HCN1: variants seen among roughly 807,000 people sequenced by gnomAD.
HCN1 encodes hyperpolarization activated cyclic nucleotide gated potassium channel 1.
HCN1 carries 13 observed loss-of-function variants against 78.9 expected under a neutral mutation model. The ratio of observed to expected loss-of-function variants is 0.16; its 90% confidence interval spans 0.11 to 0.26. The LOEUF (loss-of-function observed/expected upper bound fraction) is 0.26. Ranked by LOEUF, HCN1 falls within the 10% of genes least tolerant of loss-of-function variation. The pLI is 1.00. For missense variants in HCN1, 810 were observed against 1,154.3 expected (o/e 0.70, Z 4.32); for synonymous variants, 552 against 455.5 (o/e 1.21, Z -2.70).
In HCN1 at chr5:45,261,764, G is replaced by T; in HGVS notation, c.*157C>A. Reference sequence around the variant, plus strand: ...TTTAGATATATATTTTATAGTATATGTATATATATTTTTACATTTCACGTG... The same window carrying T: ...TTTAGATATATATTTTATAGTATATTTATATATATTTTTACATTTCACGTG... On this transcript the variant is annotated 3_prime_UTR_variant, in exon 8 of 8. Coordinates refer to ENST00000303230, the MANE Select transcript of HCN1 (RefSeq NM_021072.4). 2 of 796,860 alleles carry T rather than the reference G, an allele frequency of 2.5e-6. No homozygotes were observed. The highest frequency in any genetic ancestry group is 1.5e-5 in the South Asian group (1 of 66,436). 49.4% of individuals were successfully genotyped at this position (796,860 alleles called of 1,614,324 possible). A position where few individuals can be genotyped will look rare whatever the true frequency, so the allele number is the denominator to read the frequency against.
intron 2 of HCN1, among the ~76,000 whole-genome samples, chr5:45,599,623 G>C (rs1744582525): frequency 6.6e-6 from 1 of 152,022 alleles, no homozygotes; most frequent in Non-Finnish European, 1.5e-5. Flanking sequence ...GTAAGTTTGG[G>C]CTTTAAAACA....
At position 45,652,642 on chromosome 5, in the gene HCN1, T is replaced by G. The variant is rs550572036; in HGVS notation, c.426-7034A>C. 7.9e-5 allele frequency among the ~76,000 whole-genome samples: 12 copies of G among 152,160 alleles called. No homozygotes were observed. The East Asian group carries it at 2.3e-3, about 29-fold the overall frequency. On this transcript the variant is annotated intron_variant, in intron 1 of 7. Transcript: ENST00000303230. ...CAAATAACTATATATCCTGTATAGT[T>G]AGTGGCTTCCAAATTTCCTGATAGA...
chr5:45,380,886 A>G (rs1270705716), intron 4 of HCN1, among the ~76,000 whole-genome samples: 1 of 152,150 alleles, frequency 6.6e-6, no homozygotes, highest in African/African-American at 2.4e-5. Context: ...CTTCATGTAA[A>G]ACTAGAAAAT....
At chr5:45,624,313 C>T (rs937743876) in intron 2 of HCN1, among the ~76,000 whole-genome samples, 2 of 152,090 alleles carry the variant, frequency 1.3e-5, no homozygotes, top group South Asian at 2.1e-4. Flanking sequence ...TATGGTGGCT[C>T]CATACAATAG....
At chr5:45,598,810 C>T (rs912965240) in intron 2 of HCN1, among the ~76,000 whole-genome samples, 1 of 152,164 alleles carries the variant, frequency 6.6e-6, no homozygotes, top group African/African-American at 2.4e-5. Flanking sequence ...GACACCTGAA[C>T]AAATGCTCAT....
intron 2 of HCN1, among the ~76,000 whole-genome samples, chr5:45,545,166 T>G (rs558527731): frequency 6.6e-6 from 1 of 152,182 alleles, no homozygotes; most frequent in Non-Finnish European, 1.5e-5. Context: ...TGGTATCTCA[T>G]TGTGGTTTTG....
chr5:45,417,892 C>T (rs1436264234), intron 3 of HCN1, among the ~76,000 whole-genome samples: 1 of 151,020 alleles, frequency 6.6e-6, no homozygotes, highest in African/African-American at 2.4e-5. Context: ...TTCAAAATCT[C>T]ATTTAGACCA....
intron 2 of HCN1, among the ~76,000 whole-genome samples, chr5:45,564,767 A>G (rs1344892503): frequency 6.6e-6 from 1 of 152,202 alleles, no homozygotes; most frequent in East Asian, 1.9e-4. Context: ...GATGATAAAA[A>G]GGAATAATCG....
intron 1 of HCN1, among the ~76,000 whole-genome samples, chr5:45,656,644 C>T (rs1745768411): frequency 1.3e-5 from 2 of 152,100 alleles, no homozygotes; most frequent in African/African-American, 4.8e-5. Flanking sequence ...AAGGCTATCC[C>T]AAGAGTTTGC....
At chr5:45,349,937 C>G (rs1225558454) in intron 5 of HCN1, among the ~76,000 whole-genome samples, 2 of 152,080 alleles carry the variant, frequency 1.3e-5, no homozygotes, top group African/African-American at 4.8e-5. Context: ...CCGAATTCCA[C>G]CAGAGGTACA....
Position 45,262,082 on chromosome 5 carries a change from G to T in HCN1, c.2512C>A (p.Arg838Ser). The change falls in exon 8 of 8, where the codon CGC becomes AGC. Residue 838 changes from arginine (R) to serine (S), a missense_variant. Physicochemically the swap from Arg to Ser is moderately radical, Grantham distance 110. Coordinates refer to ENST00000303230, the MANE Select transcript of HCN1 (RefSeq NM_021072.4). The part of the protein sequence containing the change: ...QAGGRSTVPQ[R>S]VTLFRQMSSG... ...GACATCTGTCGGAAGAGGGTGACGC[G>T]CTGCGGGACAGTGCTCCTGCCCCCT... The T allele has an allele frequency of 1.2e-6, 2 of 1,613,178 alleles. No homozygotes were observed. The highest frequency in any genetic ancestry group is 1.7e-6 in the Non-Finnish European group (2 of 1,179,450).
At chr5:45,287,931 G>T (rs769973261) in intron 6 of HCN1, among the ~76,000 whole-genome samples, 12 of 152,052 alleles carry the variant, frequency 7.9e-5, no homozygotes, top group African/African-American at 1.2e-4. Context: ...CACAGACTGT[G>T]CCAGGTACTG....
intron 6 of HCN1, among the ~76,000 whole-genome samples, chr5:45,280,795 G>T (rs1745141837): frequency 6.6e-6 from 1 of 152,114 alleles, no homozygotes; most frequent in Non-Finnish European, 1.5e-5. Context: ...CTTTAATTAT[G>T]CAATCTTTTT....
At chr5:45,314,647 C>T (rs1441790596) in intron 5 of HCN1, among the ~76,000 whole-genome samples, 3 of 152,110 alleles carry the variant, frequency 2.0e-5, no homozygotes, top group South Asian at 2.1e-4. Context: ...CAAGACCCAT[C>T]AGTGTGCTGT....
At chr5:45,446,912 G>T (rs1407901024) in intron 3 of HCN1, among the ~76,000 whole-genome samples, 1 of 152,002 alleles carries the variant, frequency 6.6e-6, no homozygotes, top group Non-Finnish European at 1.5e-5. Flanking sequence ...AGGAACAACT[G>T]GTACCAGCCG....
intron 2 of HCN1, among the ~76,000 whole-genome samples, chr5:45,532,303 C>T (rs1021788515): frequency 6.6e-6 from 1 of 152,136 alleles, no homozygotes; most frequent in Admixed American, 6.5e-5. Flanking sequence ...TGTGAAGCTA[C>T]AATACTTTAT....
At chr5:45,345,277 C>T (rs972935747) in intron 5 of HCN1, among the ~76,000 whole-genome samples, 15 of 152,158 alleles carry the variant, frequency 9.9e-5, no homozygotes, top group African/African-American at 3.6e-4. Flanking sequence ...TTTTTTCCCC[C>T]TAGACCTCCA....
At position 45,645,176 on chromosome 5, in the gene HCN1, G is replaced by A; in HGVS notation, c.849+9C>T. On this transcript the variant is annotated intron_variant, in intron 2 of 7. Coordinates refer to ENST00000303230, the MANE Select transcript of HCN1 (RefSeq NM_021072.4). ...ATATAGATTTAAAAAAGAAAAAGATGCATCTTACCTCTTCCCATTGATGTA... is the reference window on the plus strand; with the variant it reads ...ATATAGATTTAAAAAAGAAAAAGATACATCTTACCTCTTCCCATTGATGTA... 1 of 1,589,698 alleles carries A rather than the reference G, an allele frequency of 6.3e-7. No homozygotes were observed. Among genetic ancestry groups the A allele is most frequent in the Non-Finnish European group, 8.6e-7 (1 of 1,159,870 alleles).
chr5:45,372,386 T>A (rs1482094115), intron 4 of HCN1, among the ~76,000 whole-genome samples: 7 of 115,086 alleles, frequency 6.1e-5, no homozygotes, highest in African/African-American at 2.1e-4. Context: ...ATTATATAAA[T>A]ATGTAAATTA....
Sources: allele counts gnomAD v4.1 joint callset (sites outside exome capture counted in the v4.1 genomes callset), GRCh38; gene constraint gnomAD v4.1.1; transcripts MANE v1.5; gene names NCBI Gene and HGNC (gene_info 2026-07-23, HGNC 2026-07-21).